The following LHFPL3 variants were observed in gnomAD, a reference collection of about 807,000 sequenced individuals.
LHFPL3 encodes LHFPL tetraspan subfamily member 3.
In LHFPL3, 5 loss-of-function variants were observed where a neutral mutation model predicts 19.3. The observed-to-expected ratio is 0.26, with a 90% CI of 0.14 to 0.54. LHFPL3 has a LOEUF of 0.54. LHFPL3 is among the 20% of genes least tolerant of loss of function. LHFPL3 has a pLI of 0.94. For synonymous variants in LHFPL3, 133 were observed against 126.2 expected, an observed-to-expected ratio of 1.05 and a Z score of -0.36; for missense variants, 249 against 307.4, an observed-to-expected ratio of 0.81 and a Z score of 1.42.
At chr7:104,556,116 G>C (rs1244815904) in intron 1 of LHFPL3, among the ~76,000 whole-genome samples, 1 of 152,210 alleles carries the variant, frequency 6.6e-6, no homozygotes, top group Non-Finnish European at 1.5e-5. Context: ...GGTGTTGAGT[G>C]TCTGTGGCTT....
At chr7:104,882,270 T>C (rs1439579748) in intron 2 of LHFPL3, among the ~76,000 whole-genome samples, 2 of 152,162 alleles carry the variant, frequency 1.3e-5, no homozygotes, top group African/African-American at 4.8e-5. Context: ...TATTTAGAGA[T>C]GGAGTCTCAC....
chr7:104,452,371 T>C (rs554424972), intron 1 of LHFPL3, among the ~76,000 whole-genome samples: 1 of 152,346 alleles, frequency 6.6e-6, no homozygotes, highest in East Asian at 1.9e-4. Flanking sequence ...GCAGTAAGTA[T>C]GCAGTATCCT....
intron 1 of LHFPL3, among the ~76,000 whole-genome samples, chr7:104,334,565 A>G (rs763209369): frequency 2.6e-5 from 4 of 152,160 alleles, no homozygotes; most frequent in African/African-American, 9.7e-5. Context: ...TAAAATTCCC[A>G]TATGTTGTGG....
At chr7:104,732,993 T>C (rs1243795734) in intron 1 of LHFPL3, among the ~76,000 whole-genome samples, 1 of 152,236 alleles carries the variant, frequency 6.6e-6, no homozygotes, top group Non-Finnish European at 1.5e-5. Context: ...CCCATAGTCA[T>C]TCAGGAGCAG....
intron 2 of LHFPL3, among the ~76,000 whole-genome samples, chr7:104,797,193 A>T (rs951338160): frequency 6.6e-6 from 1 of 152,186 alleles, no homozygotes; most frequent in Non-Finnish European, 1.5e-5. Flanking sequence ...CCTAGGAAAA[A>T]GAAAGAGGAG....
intron 1 of LHFPL3, among the ~76,000 whole-genome samples, chr7:104,380,429 C>G (rs191778369): frequency 1.2e-4 from 19 of 152,144 alleles, no homozygotes; most frequent in African/African-American, 4.3e-4. Context: ...AAGCAGTATT[C>G]ATAGGTATGA....
chr7:104,805,422 A>T (rs1005563424), intron 2 of LHFPL3, among the ~76,000 whole-genome samples: 2 of 152,202 alleles, frequency 1.3e-5, no homozygotes, highest in African/African-American at 4.8e-5. Context: ...AATGACAACT[A>T]TCTGTAGCAA....
chr7:104,599,945 C>T (rs1790931974), intron 1 of LHFPL3, among the ~76,000 whole-genome samples: 1 of 152,178 alleles, frequency 6.6e-6, no homozygotes, highest in Admixed American at 6.5e-5. Context: ...TTCTTATCCC[C>T]CGACATTACT....
chr7:104,613,079 C>G (rs902049254), intron 1 of LHFPL3, among the ~76,000 whole-genome samples: 1 of 152,186 alleles, frequency 6.6e-6, no homozygotes, highest in Non-Finnish European at 1.5e-5. Context: ...TATCAGTTAA[C>G]TTTTGTGTAC....
At chr7:104,768,758 G>A (rs1584523807) in intron 2 of LHFPL3, 1 of 152,150 alleles carries the variant, frequency 6.6e-6, no homozygotes, top group African/African-American at 2.4e-5. Flanking sequence ...ACCTTCCATC[G>A]GAATGAAACA....
intron 1 of LHFPL3, among the ~76,000 whole-genome samples, chr7:104,573,155 G>C (rs1472194116): frequency 2.6e-5 from 4 of 152,218 alleles, no homozygotes; most frequent in African/African-American, 9.7e-5. Context: ...GCTCATGCCT[G>C]TAATCCCAGC....
At chr7:104,869,519 T>C (rs1791792240) in intron 2 of LHFPL3, among the ~76,000 whole-genome samples, 2 of 151,750 alleles carry the variant, frequency 1.3e-5, no homozygotes, top group Admixed American at 1.3e-4. Flanking sequence ...ATCAGAGAAA[T>C]GCAAATCAAA....
intron 1 of LHFPL3, among the ~76,000 whole-genome samples, chr7:104,674,167 T>C (rs1464490593): frequency 6.6e-6 from 1 of 151,716 alleles, no homozygotes; most frequent in Non-Finnish European, 1.5e-5. Flanking sequence ...GTACAAGCCA[T>C]GTGCTCTAGA....
intron 1 of LHFPL3, among the ~76,000 whole-genome samples, chr7:104,667,556 A>G (rs1261056756): frequency 2.0e-5 from 3 of 152,220 alleles, no homozygotes; most frequent in Non-Finnish European, 2.9e-5. Flanking sequence ...GGATTAGCCA[A>G]TCTTCCTATA....
At chr7:104,706,611 C>G (rs1050931908) in intron 1 of LHFPL3, among the ~76,000 whole-genome samples, 4 of 152,194 alleles carry the variant, frequency 2.6e-5, no homozygotes, top group Admixed American at 2.6e-4. Context: ...GCCCAACACC[C>G]TCTCCCCTAA....
chr7:104,440,389 A>G lies in LHFPL3; in HGVS notation c.445+111165A>G, dbSNP rs189390474. 7.6e-3 allele frequency among the ~76,000 whole-genome samples: 1,156 copies of G among 151,678 alleles called. 11 individuals are homozygous for G. The highest frequency in any genetic ancestry group is 0.026 in the African/African-American group (1,088 of 41,304). ...TGAGAATACTTGGACACAGGAAGGGAAACATCACACACCGGGGCCTGTCGT... is the reference window on the plus strand; with the variant it reads ...TGAGAATACTTGGACACAGGAAGGGGAACATCACACACCGGGGCCTGTCGT... On this transcript the variant is annotated intron_variant, in intron 1 of 2. Coordinates refer to ENST00000424859, the MANE Select transcript of LHFPL3 (RefSeq NM_199000.3).
At chr7:104,390,230 C>A (rs1311023049) in intron 1 of LHFPL3, among the ~76,000 whole-genome samples, 2 of 151,864 alleles carry the variant, frequency 1.3e-5, no homozygotes, top group East Asian at 3.9e-4. Context: ...GGTACATGTG[C>A]ACAACGTGCA....
chr7:104,668,057 A>G (rs1792393654), intron 1 of LHFPL3: 3 of 1,613,724 alleles, frequency 1.9e-6, no homozygotes, highest in Non-Finnish European at 2.5e-6. Flanking sequence ...TAGGAAACCT[A>G]CCCTATGATG....
chr7:104,575,559 TAAAAAAAAA>T (rs58118006), intron 1 of LHFPL3, among the ~76,000 whole-genome samples: 27 of 36,176 alleles, frequency 7.5e-4, no homozygotes, highest in Admixed American at 1.9e-3. Context: ...CAAAGAGATC[TAAAAAAAAA>T]AAAAAAAAAA....
Sources: allele counts gnomAD v4.1 joint callset (sites outside exome capture counted in the v4.1 genomes callset), GRCh38; gene constraint gnomAD v4.1.1; transcripts MANE v1.5; gene names NCBI Gene and HGNC (gene_info 2026-07-23, HGNC 2026-07-21).